Variants in CEP112 observed in about 807,000 individuals in gnomAD.
CEP112 encodes the protein centrosomal protein of 112 kDa.
CEP112 carries 127 observed loss-of-function variants against 153.0 expected under a neutral mutation model. The ratio of observed to expected loss-of-function variants is 0.83; its 90% CI spans 0.72 to 0.96. The LOEUF is 0.96. CEP112 is among the 40% of genes least tolerant of loss of function. The pLI is 0.00. For missense variants in CEP112, 1,089 were observed against 1,101.2 expected (o/e 0.99, Z 0.16); for synonymous variants, 358 against 374.4 (o/e 0.96, Z 0.51).
intron 21 of CEP112, among the ~76,000 whole-genome samples, chr17:65,841,882 TA>T (rs548612593): frequency 2.8e-5 from 4 of 143,392 alleles, no homozygotes; most frequent in African/African-American, 4.9e-5. Flanking sequence ...CCCCCAGACC[TA>T]AACTGTGTGT....
chr17:66,070,059 C>T, intron 8 of CEP112, 58 bp from the exon 9 acceptor site: 4 of 884,434 alleles, frequency 4.5e-6, no homozygotes, highest in South Asian at 4.4e-5. Context: ...GCAAAAAATA[C>T]ACAATTAAAC....
chr17:65,902,324 A>G lies in CEP112; in HGVS notation c.1991T>C (p.Leu664Pro). ...CTTCTCCTGTTCATGCTCCAGCTTC[A>G]GCTCTACTATCTGATTGGACAATGA... ...RQRYEQQIVELKLEHEQEKTH... is the reference protein window; with the variant it reads ...RQRYEQQIVEPKLEHEQEKTH... Residue 664 changes from leucine (L) to proline (P), a missense_variant, in exon 20 of 27, where the codon CTG becomes CCG. Leu to Pro is a moderately conservative substitution (Grantham distance 98). Transcript: ENST00000535342. The G allele has an allele frequency of 1.2e-6, 2 of 1,612,700 alleles. No homozygotes were observed. The highest frequency in any genetic ancestry group is 8.5e-7 in the Non-Finnish European group (1 of 1,179,612).
rs747780325 is a variant in CEP112 at position 66,029,212 on chromosome 17, C to G, written c.1414G>C (p.Asp472His). 6.2e-7 allele frequency: 1 copy of G among 1,611,704 alleles called. No homozygotes were observed. Among genetic ancestry groups the G allele is most frequent in the Non-Finnish European group, 8.5e-7 (1 of 1,178,288 alleles). ...AACAGTTTCATGTTTTGCTCATAAT[C>G]ATTTACAAGATGGTCCTTCTCTTTA... ...LHKEKDHLVNDYEQNMKLLQT... is the reference protein window; with the variant it reads ...LHKEKDHLVNHYEQNMKLLQT... The change falls in exon 14 of 27, where the codon GAT (aspartate) becomes CAT (histidine). Residue 472 changes from aspartate (D) to histidine (H), a missense_variant. Physicochemically the swap from Asp to His is moderately conservative, Grantham distance 81 (BLOSUM62 -1). Transcript: ENST00000535342.
At chr17:65,893,984 A>G (rs2059572491) in intron 20 of CEP112, among the ~76,000 whole-genome samples, 1 of 152,118 alleles carries the variant, frequency 6.6e-6, no homozygotes, top group Admixed American at 6.6e-5. Flanking sequence ...ACAAAAAATT[A>G]CCACAAATAT....
chr17:65,807,541 G>A (rs1007563250), intron 21 of CEP112, among the ~76,000 whole-genome samples: 6 of 152,188 alleles, frequency 3.9e-5, no homozygotes, highest in African/African-American at 1.4e-4. Flanking sequence ...TAGGCCTGGA[G>A]GACTAGGAGG....
chr17:65,984,315 T>C (rs147393701), intron 17 of CEP112, among the ~76,000 whole-genome samples: 5,680 of 152,250 alleles, frequency 0.037, 157 homozygotes, highest in South Asian at 0.11. Flanking sequence ...CTTGTTGCCT[T>C]GACAAGGCAG....
chr17:65,722,748 A>G (rs2049965268), intron 23 of CEP112, among the ~76,000 whole-genome samples: 1 of 152,254 alleles, frequency 6.6e-6, no homozygotes, highest in South Asian at 2.1e-4. Context: ...GAACAGAGTG[A>G]TGGTGAGCTT....
intron 24 of CEP112, among the ~76,000 whole-genome samples, chr17:65,661,529 G>A (rs192424901): frequency 4.0e-4 from 61 of 152,216 alleles, no homozygotes; most frequent in African/African-American, 1.4e-3. Context: ...GAGAGCCTCC[G>A]CTTGTACTTC....
intron 17 of CEP112, among the ~76,000 whole-genome samples, chr17:65,979,710 T>A (rs1211579928): frequency 6.6e-6 from 1 of 152,284 alleles, no homozygotes; most frequent in Non-Finnish European, 1.5e-5. Flanking sequence ...ACGATTCCAG[T>A]TACAAGAAAA....
chr17:66,167,219 G>A (rs1269815801), intron 4 of CEP112, among the ~76,000 whole-genome samples: 1 of 152,124 alleles, frequency 6.6e-6, no homozygotes, highest in African/African-American at 2.4e-5. Flanking sequence ...TACCCTTTGG[G>A]AGGATTAGTA....
chr17:66,096,420 C>T, intron 7 of CEP112, 92 bp from the exon 8 acceptor site: 1 of 1,243,360 alleles, frequency 8.0e-7, no homozygotes, highest in Non-Finnish European at 1.2e-6. Flanking sequence ...AGGCCCGTAC[C>T]AAAATAGTAC....
At chr17:65,911,568 C>T (rs1422859279) in intron 19 of CEP112, among the ~76,000 whole-genome samples, 1 of 152,010 alleles carries the variant, frequency 6.6e-6, no homozygotes, top group African/African-American at 2.4e-5. Flanking sequence ...GTGGCTCACC[C>T]CTGTTATCTC....
At chr17:66,015,523 C>A (rs1015979562) in intron 16 of CEP112, among the ~76,000 whole-genome samples, 1 of 152,088 alleles carries the variant, frequency 6.6e-6, no homozygotes, top group African/African-American at 2.4e-5. Flanking sequence ...CATTCTGTTG[C>A]CTTTACACAT....
At chr17:66,077,651 G>A (rs1568465126) in intron 8 of CEP112, among the ~76,000 whole-genome samples, 1 of 152,186 alleles carries the variant, frequency 6.6e-6, no homozygotes, top group Non-Finnish European at 1.5e-5. Context: ...GGGAATAATT[G>A]AGGAAAACTT....
At chr17:66,006,007 T>C (rs2064259311) in intron 16 of CEP112, among the ~76,000 whole-genome samples, 1 of 152,146 alleles carries the variant, frequency 6.6e-6, no homozygotes, top group South Asian at 2.1e-4. Context: ...TTAAAATAAA[T>C]TCATAACTTA....
rs191666870 is a variant in CEP112 at position 66,151,882 on chromosome 17, T to C, written c.471-19119A>G. ...TAAGCCAGAAAACCCAGCTAAGCCA[T>C]GTCCATGAGAAAAAAATTAAAAAAT... On this transcript the variant is annotated intron_variant, in intron 4 of 26. Coordinates refer to ENST00000535342, the MANE Select transcript of CEP112 (RefSeq NM_001199165.4). Among the ~76,000 whole-genome samples, 59 of 152,206 alleles carry C rather than the reference T, an allele frequency of 3.9e-4. No homozygotes were observed. The East Asian group carries it at 0.01, about 26-fold the overall frequency.
At chr17:65,808,164 G>A (rs2055724541) in intron 21 of CEP112, among the ~76,000 whole-genome samples, 1 of 152,198 alleles carries the variant, frequency 6.6e-6, no homozygotes, top group Non-Finnish European at 1.5e-5. Context: ...AAGATTTAAT[G>A]ACTGCCCTGT....
chr17:66,164,046 T>C (rs950719783), intron 4 of CEP112, among the ~76,000 whole-genome samples: 9 of 152,352 alleles, frequency 5.9e-5, no homozygotes, highest in African/African-American at 1.9e-4. Context: ...TAGTTGCCAC[T>C]TGGCCTCATC....
At chr17:66,096,661 G>A (rs2068359461) in intron 6 of CEP112, 29 bp from the exon 7 acceptor site, 1 of 1,397,130 alleles carries the variant, frequency 7.2e-7, no homozygotes, top group South Asian at 1.3e-5. Context: ...AACAAAATAA[G>A]GATTTATTAA....
Sources: allele counts gnomAD v4.1 joint callset (sites outside exome capture counted in the v4.1 genomes callset), GRCh38; gene constraint gnomAD v4.1.1; transcripts MANE v1.5; gene names NCBI Gene and HGNC (gene_info 2026-07-23, HGNC 2026-07-21).